AMER2: variants seen among roughly 807,000 people sequenced by gnomAD.
AMER2 encodes APC membrane recruitment protein 2, also known as family with sequence similarity 123A.
Under a neutral mutation model 4.7 loss-of-function variants are expected in AMER2, and 1 was observed. That is an observed-to-expected ratio of 0.21 (90% CI 0.07 to 1.00). The LOEUF (loss-of-function observed/expected upper bound fraction) is 1.00, where lower values mean the gene tolerates loss of function less well. AMER2 is among the 50% of genes least tolerant of loss of function. The pLI, the probability that AMER2 is intolerant of heterozygous loss-of-function variation, is 0.60. For missense variants in AMER2, 988 were observed against 966.9 expected, an observed-to-expected ratio of 1.02 and a Z score of -0.29; for synonymous variants, 485 against 433.3, an observed-to-expected ratio of 1.12 and a Z score of -1.48.
rs1297058848 is a variant in AMER2, at chr13:25,171,392, C to G, written c.228G>C (p.Ser76=). The G allele has an allele frequency of 6.2e-7, 1 of 1,612,998 alleles. No homozygotes were observed. The highest frequency in any genetic ancestry group is 1.3e-5 in the African/African-American group (1 of 74,806). Residue 76 remains serine (S), a synonymous_variant, in exon 1 of 1, where the codon TCG becomes TCC. Coordinates refer to ENST00000515384, the MANE Select transcript of AMER2 (RefSeq NM_152704.4). This position sits in a 1 kb window ranked among gnomAD's most constrained non-coding sequence, Gnocchi z 5.9. ...AAFKLFKKRK[S]GGTMPSIFGV... Reference sequence around the variant, plus strand: ...CAAAAATGCTGGGCATGGTGCCACCCGATTTCCTCTTCTTGAATAATTTGA... The same window carrying G: ...CAAAAATGCTGGGCATGGTGCCACCGGATTTCCTCTTCTTGAATAATTTGA...
At position 25,171,870 on chromosome 13, in the gene AMER2, G is replaced by T; in HGVS notation, c.-251C>A. ...AGCCGCGAGCTGATTGCAGAAATTC[G>T]AGTCGTAATTATGGAATTCAAATTC... On this transcript the variant is annotated 5_prime_UTR_variant, in exon 1 of 1. Coordinates refer to ENST00000515384, the MANE Select transcript of AMER2 (RefSeq NM_152704.4). The surrounding 1 kb of genome is among the most constrained non-coding windows in gnomAD (Gnocchi z 5.9). The T allele has an allele frequency of 3.4e-6, 2 of 589,474 alleles. No homozygotes were observed. Among genetic ancestry groups the T allele is most frequent in the African/African-American group, 1.9e-5 (1 of 51,864 alleles). 36.5% of individuals were successfully genotyped at this position (589,474 alleles called of 1,614,324 possible). A position where few individuals can be genotyped will look rare whatever the true frequency, so the allele number is the denominator to read the frequency against.
At position 25,169,509 on chromosome 13, in the gene AMER2, GACTT is replaced by G. The variant is rs1956522145; in HGVS notation, c.*91_*94del. On this transcript the variant is annotated 3_prime_UTR_variant, in exon 1 of 1. Transcript: ENST00000515384. The surrounding 1 kb of genome is among the most constrained non-coding windows in gnomAD (Gnocchi z 4.2). ...GCGGGGGACGGGTGGTGTCCTAAAA[GACTT>G]TCTTTAGGAAAAGCAAAACTTACTT... The G allele has an allele frequency of 6.8e-7, 1 of 1,477,272 alleles. No individual in the cohort carries two copies. The highest frequency in any genetic ancestry group is 9.0e-7 in the Non-Finnish European group (1 of 1,112,926). The allele number at this position is 1,477,272 out of a possible 1,614,324, so 91.5% of individuals were successfully genotyped here.
Position 25,166,615 on chromosome 13 carries a change from T to C in AMER2, c.*2989A>G, listed in dbSNP as rs1298560464. The stretch of plus-strand genomic sequence containing the variant: ...AGTCAATCAACCAAGTATCTTAGAA[T>C]ATACATACATGTGGGAAAGATATAA... On this transcript the variant is annotated 3_prime_UTR_variant, in exon 1 of 1. Transcript: ENST00000515384. 6.6e-6 allele frequency: 1 copy of C among 152,242 alleles called. No homozygotes were observed. Among genetic ancestry groups the C allele is most frequent in the Non-Finnish European group, 1.5e-5 (1 of 68,046 alleles). 9.4% of individuals were successfully genotyped at this position (152,242 alleles called of 1,614,324 possible). A position where few individuals can be genotyped will look rare whatever the true frequency, so the allele number is the denominator to read the frequency against.
Position 25,170,575 on chromosome 13 carries a change from C to G in AMER2, c.1045G>C (p.Ala349Pro), listed in dbSNP as rs1309168767. Residue 349 changes from alanine to proline, a missense_variant, in exon 1 of 1, where the codon GCC becomes CCC. Ala to Pro is a conservative substitution (Grantham distance 27). Transcript: ENST00000515384. This position sits in a 1 kb window ranked among gnomAD's most constrained non-coding sequence, Gnocchi z 7.3. ...GGGTCTGAGGGTGGATCGACAGAGGCAGGGTCTGGGGCGGCGGGCGCCCGG... is the reference window on the plus strand; with the variant it reads ...GGGTCTGAGGGTGGATCGACAGAGGGAGGGTCTGGGGCGGCGGGCGCCCGG... ...SGRAPAAPDP[A>P]SVDPPSDPSA... 2 of 1,608,734 alleles carry G rather than the reference C, an allele frequency of 1.2e-6. No homozygotes were observed. The highest frequency in any genetic ancestry group is 2.7e-5 in the African/African-American group (2 of 74,890).
Position 25,161,846 on chromosome 13 carries a change from T to C in AMER2, c.*7758A>G, listed in dbSNP as rs1042038518. 1.3e-5 allele frequency: 2 copies of C among 152,040 alleles called. No individual in the cohort carries two copies. Among genetic ancestry groups the C allele is most frequent in the African/African-American group, 2.4e-5 (1 of 41,400 alleles). The allele number at this position is 152,040 out of a possible 1,614,324, so 9.4% of individuals were successfully genotyped here. ...AGAGTGACTATCAAAAACAGCAACA[T>C]GCACAATGGTACATATGCACAAAAT... On this transcript the variant is annotated 3_prime_UTR_variant, in exon 1 of 1. Coordinates refer to ENST00000515384, the MANE Select transcript of AMER2 (RefSeq NM_152704.4).
rs762277648 is a variant in AMER2, at chr13:25,171,322, G to A, written c.298C>T (p.Leu100=). The A allele has an allele frequency of 6.2e-7, 1 of 1,608,172 alleles. No homozygotes were observed. The highest frequency in any genetic ancestry group is 8.5e-7 in the Non-Finnish European group (1 of 1,178,190). Residue 100 remains leucine (L), a synonymous_variant, in exon 1 of 1, where the codon CTG becomes TTG. Transcript: ENST00000515384. The surrounding 1 kb of genome is among the most constrained non-coding windows in gnomAD (Gnocchi z 5.9). ...GDGKSSGPTG[L]VRSRTHDGLA... is the part of the protein sequence containing the mutation. ...CCGTCGTGGGTCCTGCTCCTCACCA[G>A]CCCCGTCGGACCCGAGCTTTTCCCG...
Position 25,168,010 on chromosome 13 carries a change from C to T in AMER2, c.*1594G>A, listed in dbSNP as rs1471371833. 6.6e-6 allele frequency: 1 copy of T among 152,074 alleles called. No homozygotes were observed. The highest frequency in any genetic ancestry group is 2.4e-5 in the African/African-American group (1 of 41,412). The allele number at this position is 152,074 out of a possible 1,614,324, so 9.4% of individuals were successfully genotyped here. A position where few individuals can be genotyped will look rare whatever the true frequency, so the allele number is the denominator to read the frequency against. On this transcript the variant is annotated 3_prime_UTR_variant, in exon 1 of 1. Coordinates refer to ENST00000515384, the MANE Select transcript of AMER2 (RefSeq NM_152704.4). ...GTTTCACGTGAATATGCATAATCTT[C>T]CTGGTATGATGAATCACCTCCTAGT...
Position 25,169,864 on chromosome 13 carries a change from G to C in AMER2, c.1756C>G (p.Pro586Ala), listed in dbSNP as rs1268919800. 1.9e-6 allele frequency: 3 copies of C among 1,614,138 alleles called. No individual in the cohort carries two copies. The highest frequency in any genetic ancestry group is 2.5e-6 in the Non-Finnish European group (3 of 1,180,020). Residue 586 changes from proline to alanine, a missense_variant, in exon 1 of 1, where the codon CCC becomes GCC. Physicochemically the swap from Pro to Ala is conservative, Grantham distance 27 (BLOSUM62 -1). Coordinates refer to ENST00000515384, the MANE Select transcript of AMER2 (RefSeq NM_152704.4). This position sits in a 1 kb window ranked among gnomAD's most constrained non-coding sequence, Gnocchi z 4.2. ...EETSSLSRLK[P>A]VSPGTITCPL... The stretch of plus-strand genomic sequence containing the variant: ...CAGGTGATGGTGCCTGGAGATACGG[G>C]CTTTAACCGGGACAGGGAGGACGTC...
chr13:25,171,917 G>A lies in AMER2; in HGVS notation c.-298C>T, dbSNP rs183601042. On this transcript the variant is annotated 5_prime_UTR_variant, in exon 1 of 1. Coordinates refer to ENST00000515384, the MANE Select transcript of AMER2 (RefSeq NM_152704.4). The surrounding 1 kb of genome is among the most constrained non-coding windows in gnomAD (Gnocchi z 5.9). ...ATTCCCTCAACTCTCACCCACCTTC[G>A]GATTCCTTCTCTAGACTCGCTCTTC... 41 of 406,874 alleles carry A rather than the reference G, an allele frequency of 1.0e-4. No homozygotes were observed. Among genetic ancestry groups the A allele is most frequent in the Non-Finnish European group, 1.6e-4 (39 of 241,130 alleles). The allele number at this position is 406,874 out of a possible 1,614,324, so 25.2% of individuals were successfully genotyped here. A position where few individuals can be genotyped will look rare whatever the true frequency, so the allele number is the denominator to read the frequency against.
Position 25,171,245 on chromosome 13 carries a change from G to C in AMER2, c.375C>G (p.Gly125=), listed in dbSNP as rs530950980. Residue 125 remains glycine (G), a synonymous_variant, in exon 1 of 1, where the codon GGC becomes GGG. Transcript: ENST00000515384. The surrounding 1 kb of genome is among the most constrained non-coding windows in gnomAD (Gnocchi z 5.9). ...CGCCGCCCCCGCCGCTGTCGCCCCC[G>C]CCGCGCGGCTCCTCCTTCCTGCCGC... ...LESGRKEEPR[G]GGDSGGGGGG... The C allele has an allele frequency of 3.2e-3, 4,429 of 1,401,074 alleles. 7 individuals carry two copies. The highest frequency in any genetic ancestry group is 3.7e-3 in the Non-Finnish European group (3,949 of 1,079,426). 86.8% of individuals were successfully genotyped at this position (1,401,074 alleles called of 1,614,324 possible). A position where few individuals can be genotyped will look rare whatever the true frequency, so the allele number is the denominator to read the frequency against.
rs1455466038 is a variant in AMER2 at position 25,164,287 on chromosome 13, G to A, written c.*5317C>T. On this transcript the variant is annotated 3_prime_UTR_variant, in exon 1 of 1. Transcript: ENST00000515384. ...GATACCCTGTCAGGGAAGAAGTATCGCCATGACAACAGAAGAGATTTCTGT... is the reference window on the plus strand; with the variant it reads ...GATACCCTGTCAGGGAAGAAGTATCACCATGACAACAGAAGAGATTTCTGT... 1.3e-5 allele frequency: 2 copies of A among 151,746 alleles called. No homozygotes were observed. The highest frequency in any genetic ancestry group is 2.4e-5 in the African/African-American group (1 of 41,268). 9.4% of individuals were successfully genotyped at this position (151,746 alleles called of 1,614,324 possible).
rs535179834 is a variant in AMER2 at position 25,167,996 on chromosome 13, A to G, written c.*1608T>C. On this transcript the variant is annotated 3_prime_UTR_variant, in exon 1 of 1. Transcript: ENST00000515384. ...TTTACATATGTGCAGTTTCACGTGA[A>G]TATGCATAATCTTCCTGGTATGATG... 1.3e-5 allele frequency: 2 copies of G among 152,310 alleles called. No homozygotes were observed. The highest frequency in any genetic ancestry group is 2.4e-5 in the African/African-American group (1 of 41,574). The allele number at this position is 152,310 out of a possible 1,614,324, so 9.4% of individuals were successfully genotyped here.
At position 25,170,295 on chromosome 13, in the gene AMER2, A is replaced by G; in HGVS notation, c.1325T>C (p.Met442Thr). ...TCCCTGCTCCTCGGTCTGGGAGAGC[A>G]TGTCCCAGAACTCCTGTAGATAGGT... is the stretch of plus-strand genomic sequence containing the variant. ...DDTYLQEFWD[M>T]LSQTEEQGPE... is the part of the protein sequence containing the mutation. The change falls in exon 1 of 1, where the codon ATG (methionine) becomes ACG (threonine). Residue 442 changes from methionine to threonine, a missense_variant. Transcript: ENST00000515384. The surrounding 1 kb of genome is among the most constrained non-coding windows in gnomAD (Gnocchi z 7.3). 1 of 1,613,720 alleles carries G rather than the reference A, an allele frequency of 6.2e-7. No homozygotes were observed. The highest frequency in any genetic ancestry group is 8.5e-7 in the Non-Finnish European group (1 of 1,179,916).
rs1447786193 is a variant in AMER2 at position 25,171,928 on chromosome 13, C to G, written c.-309G>C. 1.8e-5 allele frequency: 7 copies of G among 379,912 alleles called. No homozygotes were observed. The highest frequency in any genetic ancestry group is 1.5e-4 in the African/African-American group (7 of 47,838). The allele number at this position is 379,912 out of a possible 1,614,324, so 23.5% of individuals were successfully genotyped here. On this transcript the variant is annotated 5_prime_UTR_variant, in exon 1 of 1. Coordinates refer to ENST00000515384, the MANE Select transcript of AMER2 (RefSeq NM_152704.4). The surrounding 1 kb of genome is among the most constrained non-coding windows in gnomAD (Gnocchi z 5.9). ...TCTCACCCACCTTCGGATTCCTTCTCTAGACTCGCTCTTCACGGGAGCGCA... is the reference window on the plus strand; with the variant it reads ...TCTCACCCACCTTCGGATTCCTTCTGTAGACTCGCTCTTCACGGGAGCGCA...
rs1349082739 is a variant in AMER2 at position 25,167,691 on chromosome 13, C to A, written c.*1913G>T. 1.3e-5 allele frequency: 2 copies of A among 152,156 alleles called. No homozygotes were observed. The highest frequency in any genetic ancestry group is 4.8e-5 in the African/African-American group (2 of 41,452). The allele number at this position is 152,156 out of a possible 1,614,324, so 9.4% of individuals were successfully genotyped here. A position where few individuals can be genotyped will look rare whatever the true frequency, so the allele number is the denominator to read the frequency against. ...CTGAGACAATGCAATAAAAGCCAGT[C>A]ATATGACTAATGAAGAAATTCAGCA... is the stretch of plus-strand genomic sequence containing the variant. On this transcript the variant is annotated 3_prime_UTR_variant, in exon 1 of 1. Transcript: ENST00000515384.
chr13:25,171,214 G>GC lies in AMER2; in HGVS notation c.405dup (p.Arg136AlafsTer127). On this transcript the variant is annotated frameshift_variant, in exon 1 of 1. Coordinates refer to ENST00000515384, the MANE Select transcript of AMER2 (RefSeq NM_152704.4). LOFTEE classifies it low-confidence loss of function (END_TRUNC). The surrounding 1 kb of genome is among the most constrained non-coding windows in gnomAD (Gnocchi z 5.9). The stretch of plus-strand genomic sequence containing the variant: ...GCTCTGGGGGGCCCCGGGTTCGGCC[G>GC]CCCCCCGCCGCCCCCGCCGCTGTCG... 1.5e-6 allele frequency: 2 copies of GC among 1,365,080 alleles called. No individual in the cohort carries two copies. The highest frequency in any genetic ancestry group is 1.9e-6 in the Non-Finnish European group (2 of 1,064,610). The allele number at this position is 1,365,080 out of a possible 1,614,324, so 84.6% of individuals were successfully genotyped here.
Position 25,170,151 on chromosome 13 carries a change from C to A in AMER2, c.1469G>T (p.Arg490Leu), listed in dbSNP as rs1429856634. 15 of 1,613,978 alleles carry A rather than the reference C, an allele frequency of 9.3e-6. No individual in the cohort carries two copies. The highest frequency in any genetic ancestry group is 1.3e-5 in the Non-Finnish European group (15 of 1,179,996). The change falls in exon 1 of 1, where the codon CGC (arginine) becomes CTC (leucine). Residue 490 changes from arginine to leucine, a missense_variant. Transcript: ENST00000515384. The surrounding 1 kb of genome is among the most constrained non-coding windows in gnomAD (Gnocchi z 7.3). ...EAAKDASSVKRRRLNRIPIEP... is the reference protein window; with the variant it reads ...EAAKDASSVKLRRLNRIPIEP... Reference sequence around the variant, plus strand: ...GATGGGAATCCGGTTGAGCCTCCTGCGCTTGACCGAGGACGCGTCCTTGGC... The same window carrying A: ...GATGGGAATCCGGTTGAGCCTCCTGAGCTTGACCGAGGACGCGTCCTTGGC...
rs1209317650 is a variant in AMER2, at chr13:25,163,684, G to A, written c.*5920C>T. On this transcript the variant is annotated 3_prime_UTR_variant, in exon 1 of 1. Coordinates refer to ENST00000515384, the MANE Select transcript of AMER2 (RefSeq NM_152704.4). ...AGAATGATGGCTGCCAGGGGCTGATGGGGGAGGAAATGAGGAGCTGCTGTT... is the reference window on the plus strand; with the variant it reads ...AGAATGATGGCTGCCAGGGGCTGATAGGGGAGGAAATGAGGAGCTGCTGTT... 4 of 151,564 alleles carry A rather than the reference G, an allele frequency of 2.6e-5. No individual in the cohort carries two copies. The highest frequency in any genetic ancestry group is 9.7e-5 in the African/African-American group (4 of 41,176). The allele number at this position is 151,564 out of a possible 1,614,324, so 9.4% of individuals were successfully genotyped here.
In AMER2 at chr13:25,171,148, C is replaced by G. The variant is rs200352589; in HGVS notation, c.472G>C (p.Ala158Pro). ...AGCGAGAAGAAGCTGTGCGACTTGG[C>G]CACCGAGCTGCTGGCGAGGGAGCCC... ...GGGSLASSSVAKSHSFFSLLK... is the reference protein window; with the variant it reads ...GGGSLASSSVPKSHSFFSLLK... Residue 158 changes from alanine (A) to proline (P), a missense_variant, in exon 1 of 1, where the codon GCC becomes CCC. Ala to Pro is a conservative substitution (Grantham distance 27). Transcript: ENST00000515384. This position sits in a 1 kb window ranked among gnomAD's most constrained non-coding sequence, Gnocchi z 5.9. 1,351 of 1,545,570 alleles carry G rather than the reference C, an allele frequency of 8.7e-4. 7 individuals carry two copies. The Middle Eastern group carries it at 0.023, about 27-fold the overall frequency.
Sources: gnomAD v4.1 joint callset for allele counts on GRCh38, gnomAD v4.1.1 for gene constraint, Gnocchi (gnomAD v3.1) non-coding constraint, MANE v1.5 for transcripts, NCBI Gene and HGNC (gene_info 2026-07-23, HGNC 2026-07-21) for gene names.